LDLRAD4: variants seen among roughly 807,000 people sequenced by gnomAD.
The protein encoded by LDLRAD4 is low density lipoprotein receptor class A domain containing 4.
Under a neutral mutation model 17.0 loss-of-function variants are expected in LDLRAD4, and 5 were observed. That is an observed-to-expected ratio of 0.29 (90% confidence interval 0.15 to 0.62). The LOEUF (loss-of-function observed/expected upper bound fraction) is 0.62, where lower values mean the gene tolerates loss of function less well. Among genes scored for constraint, LDLRAD4 ranks in the 20% least tolerant of loss-of-function variants. The pLI is 0.84. For missense variants in LDLRAD4, 340 were observed against 424.7 expected (o/e 0.80, Z 1.75); for synonymous variants, 168 against 171.8 (o/e 0.98, Z 0.17).
chr18:13,583,704 C>T (rs1270738003), intron 3 of LDLRAD4, among the ~76,000 whole-genome samples: 3 of 152,176 alleles, frequency 2.0e-5, no homozygotes, highest in Non-Finnish European at 4.4e-5. Flanking sequence ...CTCTTTCATT[C>T]ACTGACAAGT....
intron 1 of LDLRAD4, among the ~76,000 whole-genome samples, chr18:13,250,002 G>A (rs1016322670): frequency 2.6e-5 from 4 of 152,070 alleles, no homozygotes; most frequent in East Asian, 3.8e-4. Context: ...TTTATTTTAC[G>A]TTCAGGGGTA....
chr18:13,439,517 G>T (rs960395799), intron 3 of LDLRAD4, among the ~76,000 whole-genome samples: 1 of 152,176 alleles, frequency 6.6e-6, no homozygotes, highest in African/African-American at 2.4e-5. Context: ...TCTATACTTT[G>T]CAAAGACAGT....
exon 6 of LDLRAD4, chr18:13,649,241 G>A (rs1160805359): frequency 6.6e-6 from 1 of 152,234 alleles, no homozygotes; most frequent in Non-Finnish European, 1.5e-5. Flanking sequence ...TTGAACTTCT[G>A]CGTATCTCCG....
At chr18:13,501,263 T>C (rs2093609767) in intron 3 of LDLRAD4, 1 of 115,164 alleles carries the variant, frequency 8.7e-6, no homozygotes, top group Admixed American at 1.0e-4. Flanking sequence ...ATAATAACAA[T>C]AATAAAACTG....
At chr18:13,427,046 C>T (rs1188217530) in intron 2 of LDLRAD4, among the ~76,000 whole-genome samples, 7 of 151,952 alleles carry the variant, frequency 4.6e-5, no homozygotes, top group African/African-American at 1.2e-4. Context: ...ATGAGCCAGG[C>T]GTGGTGGTGC....
intron 1 of LDLRAD4, among the ~76,000 whole-genome samples, chr18:13,294,573 G>A (rs1003525462): frequency 2.0e-5 from 3 of 152,164 alleles, no homozygotes; most frequent in African/African-American, 7.2e-5. Flanking sequence ...GAGAGGTCAC[G>A]CGACCTCCTG....
intron 1 of LDLRAD4, among the ~76,000 whole-genome samples, chr18:13,372,159 G>A (rs1014225325): frequency 7.2e-5 from 11 of 152,198 alleles, no homozygotes; most frequent in Non-Finnish European, 1.5e-4. Context: ...AAGCACTGCC[G>A]TGTGCCCTTG....
At chr18:13,444,325 A>G (rs1197075607) in intron 3 of LDLRAD4, among the ~76,000 whole-genome samples, 1 of 151,780 alleles carries the variant, frequency 6.6e-6, no homozygotes, top group Non-Finnish European at 1.5e-5. Flanking sequence ...TCCAGGTTAA[A>G]CTCCAGGCGT....
At chr18:13,434,302 C>T (rs1191777736) in intron 2 of LDLRAD4, among the ~76,000 whole-genome samples, 1 of 150,902 alleles carries the variant, frequency 6.6e-6, no homozygotes, top group African/African-American at 2.4e-5. Context: ...AAGAGGAATG[C>T]CACTTTCTTC....
chr18:13,321,861 C>CAAAAAAAAAAAAAAAAAAAAAAAAAAAAA (rs57033432), intron 1 of LDLRAD4, among the ~76,000 whole-genome samples: 8 of 62,142 alleles, frequency 1.3e-4, no homozygotes, highest in South Asian at 1.0e-3. Flanking sequence ...GACTCCGTCT[C>CAAAAAAAAAAAAAAAAAAAAAAAAAAAAA]AAAAAAAAAA....
chr18:13,317,405 T>G (rs2080990333), intron 1 of LDLRAD4, among the ~76,000 whole-genome samples: 1 of 152,224 alleles, frequency 6.6e-6, no homozygotes, highest in Non-Finnish European at 1.5e-5. Flanking sequence ...ATTTTTTTAC[T>G]GAAAGAGTAT....
chr18:13,450,914 A>G (rs1000601251), intron 3 of LDLRAD4, among the ~76,000 whole-genome samples: 1 of 152,156 alleles, frequency 6.6e-6, no homozygotes, highest in Non-Finnish European at 1.5e-5. Context: ...GAGCACCACT[A>G]GAAAGGTAGG....
chr18:13,369,216 T>C (rs2144802593), intron 1 of LDLRAD4, among the ~76,000 whole-genome samples: 1 of 152,300 alleles, frequency 6.6e-6, no homozygotes, highest in East Asian at 1.9e-4. Context: ...CTTAGGGTGA[T>C]CTGGTCATTT....
chr18:13,633,136 G>A (rs984226731), intron 4 of LDLRAD4, among the ~76,000 whole-genome samples: 1 of 152,268 alleles, frequency 6.6e-6, no homozygotes, highest in African/African-American at 2.4e-5. Context: ...CGTCAGTGGA[G>A]AGGAGACCTG....
intron 3 of LDLRAD4, among the ~76,000 whole-genome samples, chr18:13,574,061 G>A (rs1461414899): frequency 2.6e-5 from 4 of 152,158 alleles, no homozygotes; most frequent in African/African-American, 9.7e-5. Flanking sequence ...TGAGGTGTAT[G>A]GATATATTGA....
At chr18:13,361,956 G>A (rs543001269) in intron 1 of LDLRAD4, among the ~76,000 whole-genome samples, 2 of 151,940 alleles carry the variant, frequency 1.3e-5, no homozygotes, top group East Asian at 1.9e-4. Context: ...TAGGAGGCGA[G>A]TTTTGACTGT....
chr18:13,388,703 A>C lies in LDLRAD4; in HGVS notation c.40+941A>C, dbSNP rs1599856367. Among the ~76,000 whole-genome samples the C allele has an allele frequency of 2.6e-5, 4 of 152,206 alleles. No homozygotes were observed. The South Asian group carries it at 8.3e-4, about 32-fold the overall frequency. On this transcript the variant is annotated intron_variant, in intron 2 of 5. Transcript: ENST00000359446. ...GGGCCTTCTCCTTGGATTAGATGTC[A>C]GCTCCTAGACAGCCTTGCACTCCTC...
At chr18:13,371,630 T>G (rs2084519223) in intron 1 of LDLRAD4, among the ~76,000 whole-genome samples, 1 of 151,998 alleles carries the variant, frequency 6.6e-6, no homozygotes, top group Non-Finnish European at 1.5e-5. Flanking sequence ...CCGGGCATGG[T>G]GGTGTACACC....
At chr18:13,525,886 C>T (rs1318425691) in intron 3 of LDLRAD4, among the ~76,000 whole-genome samples, 1 of 152,238 alleles carries the variant, frequency 6.6e-6, no homozygotes, top group Admixed American at 6.5e-5. Flanking sequence ...GGCCTCACCA[C>T]CCCCTTTATC....
Sources: gnomAD v4.1 joint callset for allele counts (sites outside exome capture counted in the v4.1 genomes callset) on GRCh38, gnomAD v4.1.1 for gene constraint, MANE v1.5 for transcripts, NCBI Gene and HGNC (gene_info 2026-07-23, HGNC 2026-07-21) for gene names.